The following CLIC6 variants were observed in gnomAD, a reference collection of about 807,000 sequenced individuals.
CLIC6 encodes the protein CLIC family member 6.
In CLIC6, 39 loss-of-function variants were observed where a neutral mutation model predicts 49.2. The ratio of observed to expected loss-of-function variants is 0.79; its 90% confidence interval spans 0.61 to 1.04. The LOEUF (loss-of-function observed/expected upper bound fraction) is 1.04, where lower values mean the gene tolerates loss of function less well. CLIC6 is among the 50% of genes least tolerant of loss of function. CLIC6 has a pLI of 0.00. For synonymous variants in CLIC6, 446 were observed against 433.4 expected, an observed-to-expected ratio of 1.03 and a Z score of -0.36; for missense variants, 988 against 993.1, an observed-to-expected ratio of 0.99 and a Z score of 0.07.
rs1408240442 is a variant in CLIC6, at chr21:34,670,545, C to T, written c.1157C>T (p.Ala386Val). The change falls in exon 1 of 6, where the codon GCA becomes GTA. Residue 386 changes from alanine (A) to valine (V), a missense_variant. Around this residue, in one of 3 missense-constraint regions of CLIC6, gnomAD observed 647 missense variants for 596.9 expected, o/e 1.08. Transcript: ENST00000349499. ...RSPEGPREEEAAGGEEESPDS... is the reference protein window; with the variant it reads ...RSPEGPREEEVAGGEEESPDS... ...CCGGAGGGGCCAAGGGAGGAGGAAG[C>T]AGCGGGGGGCGAAGAGGAATCCCCC... 6 of 1,498,056 alleles carry T rather than the reference C, an allele frequency of 4.0e-6. No individual in the cohort carries two copies. The highest frequency in any genetic ancestry group is 2.6e-5 in the South Asian group (2 of 75,848). The allele number at this position is 1,498,056 out of a possible 1,614,324, so 92.8% of individuals were successfully genotyped here. A position where few individuals can be genotyped will look rare whatever the true frequency, so the allele number is the denominator to read the frequency against.
intron 1 of CLIC6, among the ~76,000 whole-genome samples, chr21:34,690,325 C>T (rs1176189508): frequency 6.6e-6 from 1 of 152,204 alleles, no homozygotes; most frequent in East Asian, 1.9e-4. Context: ...AAGCACATAT[C>T]TTTCCCTATT....
At chr21:34,713,191 G>T (rs1363838918) in intron 5 of CLIC6, among the ~76,000 whole-genome samples, 1 of 152,164 alleles carries the variant, frequency 6.6e-6, no homozygotes, top group South Asian at 2.1e-4. Flanking sequence ...AACAGAAAAA[G>T]ACAGATGGGA....
intron 1 of CLIC6, among the ~76,000 whole-genome samples, chr21:34,697,231 T>A (rs1187587333): frequency 2.0e-4 from 31 of 151,234 alleles, no homozygotes; most frequent in Admixed American, 2.0e-3. Context: ...GTGATTTTTT[T>A]AACTGCATCT....
chr21:34,701,127 C>T (rs577309056), intron 1 of CLIC6, among the ~76,000 whole-genome samples: 2 of 142,938 alleles, frequency 1.4e-5, no homozygotes, highest in Non-Finnish European at 3.0e-5. Context: ...AAGGTGAAAC[C>T]CCGTCTCTAC....
intron 1 of CLIC6, among the ~76,000 whole-genome samples, chr21:34,690,909 T>A (rs866466733): frequency 1.4e-5 from 2 of 141,292 alleles, no homozygotes; most frequent in African/African-American, 5.2e-5. Flanking sequence ...GAATTCCTTA[T>A]AATAAAGCCC....
chr21:34,706,274 C>T (rs1021158034), intron 1 of CLIC6, among the ~76,000 whole-genome samples: 1 of 152,132 alleles, frequency 6.6e-6, no homozygotes, highest in Non-Finnish European at 1.5e-5. Context: ...ACGTACTTTT[C>T]AACAGCTCAA....
chr21:34,671,186 G>A (rs1026631671), intron 1 of CLIC6, among the ~76,000 whole-genome samples: 2 of 151,154 alleles, frequency 1.3e-5, no homozygotes, highest in African/African-American at 2.4e-5. Context: ...GTGTTCAAAG[G>A]GATTTCTGCC....
At position 34,685,706 on chromosome 21, in the gene CLIC6, A is replaced by G. The variant is rs1989863934; in HGVS notation, c.1374+14944A>G. 2.0e-5 allele frequency among the ~76,000 whole-genome samples: 3 copies of G among 152,318 alleles called. 1 individual carries two copies. Among genetic ancestry groups the G allele is most frequent in the Non-Finnish European group, 1.5e-5 (1 of 68,036 alleles). Reference sequence around the variant, plus strand: ...AAACACAGAGCTATTAACACATCAGACATGGAGGGGGACATTTTTTTGTTA... The same window carrying G: ...AAACACAGAGCTATTAACACATCAGGCATGGAGGGGGACATTTTTTTGTTA... On this transcript the variant is annotated intron_variant, in intron 1 of 5. Coordinates refer to ENST00000349499, the MANE Select transcript of CLIC6 (RefSeq NM_053277.3).
At chr21:34,710,764 G>A (rs2056051274) in intron 5 of CLIC6, among the ~76,000 whole-genome samples, 1 of 152,078 alleles carries the variant, frequency 6.6e-6, no homozygotes, top group Non-Finnish European at 1.5e-5. Flanking sequence ...AGTGAGCCAA[G>A]ATCACACCAC....
Position 34,670,756 on chromosome 21 carries a change from C to T in CLIC6, c.1368C>T (p.Phe456=), listed in dbSNP as rs765468065. ...GGCAGGAGCACGACATCACCCTCTTCGTCAAGGTAAAGCTCGCTTCCCTCA... is the reference window on the plus strand; with the variant it reads ...GGCAGGAGCACGACATCACCCTCTTTGTCAAGGTAAAGCTCGCTTCCCTCA... The part of the protein sequence containing the change: ...ALGQEHDITL[F]VKAGYDGESI... Residue 456 remains phenylalanine (F), a synonymous_variant, in exon 1 of 6, where the codon TTC becomes TTT. Coordinates refer to ENST00000349499, the MANE Select transcript of CLIC6 (RefSeq NM_053277.3). The T allele has an allele frequency of 1.3e-6, 2 of 1,599,018 alleles. No individual in the cohort carries two copies. The highest frequency in any genetic ancestry group is 1.7e-6 in the Non-Finnish European group (2 of 1,177,720).
intron 1 of CLIC6, among the ~76,000 whole-genome samples, chr21:34,691,672 T>C (rs1989997262): frequency 6.6e-6 from 1 of 152,242 alleles, no homozygotes; most frequent in South Asian, 2.1e-4. Context: ...ACCATCCCAC[T>C]CTACCATTGA....
chr21:34,676,152 T>C (rs139068415), intron 1 of CLIC6, among the ~76,000 whole-genome samples: 1 of 152,316 alleles, frequency 6.6e-6, no homozygotes, highest in African/African-American at 2.4e-5. Flanking sequence ...TCCTTGAATA[T>C]CTAAAGACCC....
intron 1 of CLIC6, among the ~76,000 whole-genome samples, chr21:34,694,421 C>T (rs972669452): frequency 2.6e-5 from 4 of 152,146 alleles, no homozygotes; most frequent in Admixed American, 2.6e-4. Flanking sequence ...ATCCTCCAGT[C>T]TCAGCTTCCC....
At chr21:34,703,206 TTG>T (rs1733673737) in intron 1 of CLIC6, among the ~76,000 whole-genome samples, 1 of 152,214 alleles carries the variant, frequency 6.6e-6, no homozygotes, top group Admixed American at 6.5e-5. Flanking sequence ...TATTACCGCT[TTG>T]TGGCCTCTTT....
At chr21:34,700,291 C>CA (rs201506014) in intron 1 of CLIC6, among the ~76,000 whole-genome samples, 27,261 of 141,380 alleles carry the variant, frequency 0.19, 4,100 homozygotes, top group African/African-American at 0.34. Context: ...ACTAAAAATA[C>CA]AAAAAATTAG....
intron 1 of CLIC6, among the ~76,000 whole-genome samples, chr21:34,698,656 A>G (rs956747585): frequency 6.6e-6 from 1 of 152,206 alleles, no homozygotes; most frequent in African/African-American, 2.4e-5. Flanking sequence ...CTTATCCAGC[A>G]CTAAGAGGTA....
At chr21:34,710,240 T>C (rs2145820042) in intron 5 of CLIC6, among the ~76,000 whole-genome samples, 1 of 152,288 alleles carries the variant, frequency 6.6e-6, no homozygotes, top group East Asian at 1.9e-4. Context: ...GAGGTGGCAC[T>C]GCACTCTGGC....
Position 34,670,420 on chromosome 21 carries a change from A to G in CLIC6, c.1032A>G (p.Glu344=), listed in dbSNP as rs1490685526. ...TCCCGGGGGTAAAGGGGTCCGAAGAAGCGGCCCCCGGGGACGCAAGGGCAG... is the reference window on the plus strand; with the variant it reads ...TCCCGGGGGTAAAGGGGTCCGAAGAGGCGGCCCCCGGGGACGCAAGGGCAG... The part of the protein sequence containing the change: ...AEVPGVKGSE[E]AAPGDARADA... Residue 344 remains glutamate (E), a synonymous_variant, in exon 1 of 6, where the codon GAA becomes GAG. Transcript: ENST00000349499. 6.8e-7 allele frequency: 1 copy of G among 1,460,150 alleles called. No homozygotes were observed. Among genetic ancestry groups the G allele is most frequent in the Non-Finnish European group, 9.0e-7 (1 of 1,106,990 alleles). The allele number at this position is 1,460,150 out of a possible 1,614,324, so 90.4% of individuals were successfully genotyped here.
intron 1 of CLIC6, among the ~76,000 whole-genome samples, chr21:34,686,142 A>G (rs1031061582): frequency 6.6e-6 from 1 of 152,210 alleles, no homozygotes; most frequent in Non-Finnish European, 1.5e-5. Flanking sequence ...GGTGGCTCAC[A>G]CCTGTAATCC....
Sources: allele counts gnomAD v4.1 joint callset (sites outside exome capture counted in the v4.1 genomes callset), GRCh38; gene constraint gnomAD v4.1.1; regional missense constraint gnomAD v4.1.1; transcripts MANE v1.5; gene names NCBI Gene and HGNC (gene_info 2026-07-23, HGNC 2026-07-21).